The following HOMER2 variants were observed in gnomAD, a reference collection of about 807,000 sequenced individuals.
The protein encoded by HOMER2 is homer protein homolog 2.
In HOMER2, 27 loss-of-function variants were observed where a neutral mutation model predicts 47.0. That is an observed-to-expected ratio of 0.57 (90% CI 0.42 to 0.79). HOMER2 has a LOEUF of 0.79. Ranked by LOEUF, HOMER2 falls within the 30% of genes least tolerant of loss-of-function variation. The probability of loss-of-function intolerance (pLI) is 0.00; values close to 1 mark genes in which losing one functional copy is unlikely to be tolerated. For synonymous variants in HOMER2, 161 were observed against 163.8 expected (o/e 0.98, Z 0.13); for missense variants, 443 against 435.0 (o/e 1.02, Z -0.16).
At chr15:82,943,377 C>T (rs1474966960) in intron 1 of HOMER2, among the ~76,000 whole-genome samples, 1 of 152,166 alleles carries the variant, frequency 6.6e-6, no homozygotes, top group Non-Finnish European at 1.5e-5. Context: ...TGAGTCTACG[C>T]TCAGTCCACT....
At chr15:82,933,269 C>T (rs1313578712) in intron 1 of HOMER2, among the ~76,000 whole-genome samples, 1 of 152,136 alleles carries the variant, frequency 6.6e-6, no homozygotes, top group Non-Finnish European at 1.5e-5. Context: ...CTCTGTCATC[C>T]AGGATGGAGT....
chr15:82,900,135 G>A (rs1342175528), intron 1 of HOMER2, among the ~76,000 whole-genome samples: 1 of 151,932 alleles, frequency 6.6e-6, no homozygotes, highest in African/African-American at 2.4e-5. Flanking sequence ...TCTATGTTTA[G>A]AAAATAAAAG....
intron 1 of HOMER2, among the ~76,000 whole-genome samples, chr15:82,899,937 G>T (rs901846198): frequency 1.4e-4 from 21 of 152,118 alleles, no homozygotes; most frequent in Non-Finnish European, 7.3e-5. Context: ...CAGGAGAATC[G>T]CTTGAACCAG....
At chr15:82,928,958 A>AAAAAAAAAAAAAAAAAAAAAC (rs2053933253) in intron 1 of HOMER2, among the ~76,000 whole-genome samples, 2 of 148,802 alleles carry the variant, frequency 1.3e-5, no homozygotes, top group Non-Finnish European at 1.5e-5. Context: ...AAAAAAAAAA[A>AAAAAAAAAAAAAAAAAAAAAC]AAGCTGTCAT....
At chr15:82,952,759 C>G, upstream of HOMER2, 1 of 930,358 alleles carries the variant, frequency 1.1e-6, no homozygotes, top group Non-Finnish European at 1.3e-6. Context: ...GGGGCGGTGC[C>G]CGCCCCGCCC....
chr15:82,928,849 C>A (rs1429313492), intron 1 of HOMER2, among the ~76,000 whole-genome samples: 1 of 150,232 alleles, frequency 6.7e-6, no homozygotes, highest in Non-Finnish European at 1.5e-5. Flanking sequence ...ATCACCTTCC[C>A]TCTCACATTC....
chr15:82,866,656 C>G (rs1451100240), intron 3 of HOMER2, among the ~76,000 whole-genome samples: 1 of 152,164 alleles, frequency 6.6e-6, no homozygotes, highest in Non-Finnish European at 1.5e-5. Context: ...ACTGAATCAT[C>G]GGGGCGGGTC....
At chr15:82,986,020 C>T, upstream of HOMER2, 1 of 978,950 alleles carries the variant, frequency 1.0e-6, no homozygotes, top group Non-Finnish European at 1.2e-6. Context: ...GCCCAGCCAC[C>T]AGGCAGGCTG....
intron 1 of HOMER2, among the ~76,000 whole-genome samples, chr15:82,947,330 G>A (rs180853449): frequency 1.4e-4 from 22 of 152,342 alleles, no homozygotes; most frequent in African/African-American, 5.3e-4. Context: ...TCAAAAGAAA[G>A]TAAATCGGTA....
At chr15:82,957,661 T>G (rs1426728624), upstream of HOMER2, among the ~76,000 whole-genome samples, 2 of 152,124 alleles carry the variant, frequency 1.3e-5, no homozygotes, top group East Asian at 3.9e-4. Flanking sequence ...CAGATCAGTA[T>G]GGGACCACCA....
chr15:82,850,860 C>T (rs569613671), intron 8 of HOMER2, among the ~76,000 whole-genome samples: 5 of 152,290 alleles, frequency 3.3e-5, no homozygotes, highest in South Asian at 2.1e-4. Context: ...GCCGCCCCCC[C>T]GCTCCTCACC....
chr15:82,859,298 G>C, intron 4 of HOMER2, 163 bp from the exon 5 acceptor site: 1 of 746,884 alleles, frequency 1.3e-6, no homozygotes, highest in Non-Finnish European at 1.9e-6. Flanking sequence ...AGACTAACAA[G>C]TTTTTGTTTT....
chr15:82,854,526 T>C lies in HOMER2; in HGVS notation c.651+118A>G, dbSNP rs79416311. The C allele has an allele frequency of 2.0e-4, 208 of 1,031,756 alleles. No homozygotes were observed. The East Asian group carries it at 3.6e-3, about 18-fold the overall frequency. 63.9% of individuals were successfully genotyped at this position (1,031,756 alleles called of 1,614,324 possible). ...TTCCCATGGGAGAGGCAGCAAGTCTTCCTCTGGCCATGGGGATAAGGGCAA... is the reference window on the plus strand; with the variant it reads ...TTCCCATGGGAGAGGCAGCAAGTCTCCCTCTGGCCATGGGGATAAGGGCAA... On this transcript the variant is annotated intron_variant, in intron 6 of 8. Transcript: ENST00000450735.
intron 1 of HOMER2, chr15:82,951,992 CAA>C (rs2054516760): frequency 1.0e-6 from 1 of 955,592 alleles, no homozygotes; most frequent in Admixed American, 6.2e-5. Flanking sequence ...TCAGTTGTTT[CAA>C]AGACTGAAGC....
intron 2 of HOMER2, among the ~76,000 whole-genome samples, chr15:82,878,920 C>T (rs1253993829): frequency 6.6e-6 from 1 of 152,208 alleles, no homozygotes. Flanking sequence ...AGCCACCATG[C>T]TGGCCATGCA....
intron 5 of HOMER2, among the ~76,000 whole-genome samples, chr15:82,855,722 C>T (rs1029693339): frequency 6.6e-6 from 1 of 152,196 alleles, no homozygotes; most frequent in Non-Finnish European, 1.5e-5. Context: ...CCATATCCCC[C>T]CGGGGTGTGA....
chr15:82,837,534 A>C (rs1298910458), exon 2 of HOMER2: 2 of 152,228 alleles, frequency 1.3e-5, no homozygotes, highest in East Asian at 3.9e-4. Context: ...TGGGCTGGTG[A>C]CGCAGGAACA....
At chr15:82,858,849 G>A (rs2051677571) in intron 5 of HOMER2, among the ~76,000 whole-genome samples, 180 bp downstream of exon 5, 1 of 152,092 alleles carries the variant, frequency 6.6e-6, no homozygotes, top group Admixed American at 6.6e-5. Flanking sequence ...TGCTGATGTG[G>A]TTGGCCAGAG....
intron 1 of HOMER2, among the ~76,000 whole-genome samples, chr15:82,964,640 C>T (rs1442331600): frequency 2.6e-5 from 4 of 152,134 alleles, no homozygotes; most frequent in Non-Finnish European, 5.9e-5. Context: ...GTGGTTTGCA[C>T]CTGTAATCCC....
Sources: allele counts gnomAD v4.1 joint callset (sites outside exome capture counted in the v4.1 genomes callset), GRCh38; gene constraint gnomAD v4.1.1; transcripts MANE v1.5; gene names NCBI Gene and HGNC (gene_info 2026-07-23, HGNC 2026-07-21).